SAP25: variants seen among roughly 807,000 people sequenced by gnomAD.
The protein encoded by SAP25 is Sin3A associated protein 25.
A neutral mutation model predicts 31.5 loss-of-function variants in SAP25; 24 were observed. That is an observed-to-expected ratio of 0.76 (90% confidence interval 0.55 to 1.07). SAP25 has a LOEUF of 1.07. Ranked by LOEUF, SAP25 falls within the 50% of genes least tolerant of loss-of-function variation. SAP25 has a pLI of 0.00. For missense variants in SAP25, 377 were observed against 418.8 expected (o/e 0.90, Z 0.87); for synonymous variants, 180 against 186.0 (o/e 0.97, Z 0.26).
intron 1 of SAP25, 80 bp from the exon 2 acceptor site, chr7:100,573,480 G>A: frequency 8.2e-7 from 1 of 1,218,852 alleles, no homozygotes; most frequent in Non-Finnish European, 1.0e-6. Context: ...CTGGTGCAAG[G>A]GAGACCGAGG....
chr7:100,573,265 A>G, intron 2 of SAP25, 32 bp downstream of exon 2: 1 of 1,422,666 alleles, frequency 7.0e-7, no homozygotes, highest in East Asian at 2.5e-5. Flanking sequence ...AGAGGCTCTT[A>G]GGGGTAGTAG....
intron 3 of SAP25, 44 bp from the exon 4 acceptor site, chr7:100,573,057 C>CAGCT (rs1801192662): frequency 6.6e-7 from 1 of 1,512,150 alleles, no homozygotes; most frequent in African/African-American, 1.4e-5. Flanking sequence ...GGCCACCGCA[C>CAGCT]AGCTCCCTGA....
Position 100,573,713 on chromosome 7 carries a change from G to A in SAP25, c.30C>T (p.Gly10=), listed in dbSNP as rs1451876606. 1.2e-5 allele frequency: 15 copies of A among 1,226,136 alleles called. No individual in the cohort carries two copies. In the East Asian group the frequency reaches 4.2e-4, roughly 34 times the overall value. 76.0% of individuals were successfully genotyped at this position (1,226,136 alleles called of 1,614,324 possible). A position where few individuals can be genotyped will look rare whatever the true frequency, so the allele number is the denominator to read the frequency against. Residue 10 remains glycine, a synonymous_variant, in exon 1 of 6, where the codon GGC becomes GGT. Coordinates refer to ENST00000622764, the MANE Select transcript of SAP25 (RefSeq NM_001348680.2). The part of the protein sequence containing the change: MLPWSPPRW[G]AGPEEAPEGP... ...CCTCGGGCGCCTCCTCCGGGCCCGC[G>A]CCCCACCGCGGCGGCGACCAGGGCA... is the stretch of plus-strand genomic sequence containing the variant.
chr7:100,572,775 G>T lies in SAP25; in HGVS notation c.512-24C>A. On this transcript the variant is annotated intron_variant, in intron 4 of 5. Transcript: ENST00000622764. This position sits in a 1 kb window ranked among gnomAD's most constrained non-coding sequence, Gnocchi z 4.1. ...CCCTAGGAGGAAACACCACTAGGGT[G>T]GCGGGCTGCGGGCTCCCACCCCTGG... 6.6e-7 allele frequency: 1 copy of T among 1,518,970 alleles called. No homozygotes were observed. The highest frequency in any genetic ancestry group is 8.8e-7 in the Non-Finnish European group (1 of 1,139,338). 94.1% of individuals were successfully genotyped at this position (1,518,970 alleles called of 1,614,324 possible). A position where few individuals can be genotyped will look rare whatever the true frequency, so the allele number is the denominator to read the frequency against.
Position 100,573,625 on chromosome 7 carries a change from TG to T in SAP25, c.117del (p.Arg40GlyfsTer60). On this transcript the variant is annotated frameshift_variant, in exon 1 of 6. Transcript: ENST00000622764. LOFTEE classifies it high-confidence loss of function. ...GEPWSAGADA[P>X]RELGTPPWDS... is the part of the protein sequence containing the mutation. ...TCCCATGGGGGTGTCCCCAGCTCCC[TG>T]GGGGCGTCCGCTCCGGCGCTCCAGG... The T allele has an allele frequency of 1.6e-6, 2 of 1,231,584 alleles. No homozygotes were observed. Among genetic ancestry groups the T allele is most frequent in the Non-Finnish European group, 2.0e-6 (2 of 987,842 alleles). 76.3% of individuals were successfully genotyped at this position (1,231,584 alleles called of 1,614,324 possible).
rs1053886326 is a variant in SAP25, at chr7:100,573,793, C to T, written c.-51G>A. On this transcript the variant is annotated 5_prime_UTR_variant, in exon 1 of 6. Transcript: ENST00000622764. ...ACCGCCGTGTCCCCGCCGCCCGGCC[C>T]GGCCCTCTCAGCCTCCCTCCGCGGC... is the stretch of plus-strand genomic sequence containing the variant. 6.8e-6 allele frequency: 8 copies of T among 1,173,276 alleles called. No homozygotes were observed. Among genetic ancestry groups the T allele is most frequent in the African/African-American group, 1.6e-5 (1 of 61,778 alleles). 72.7% of individuals were successfully genotyped at this position (1,173,276 alleles called of 1,614,324 possible).
At chr7:100,573,425 C>T in intron 1 of SAP25, 25 bp from the exon 2 acceptor site, 1 of 1,275,680 alleles carries the variant, frequency 7.8e-7, no homozygotes, top group Non-Finnish European at 1.0e-6. Context: ...ACTGAGGCTG[C>T]AGCCACACCG....
At position 100,572,983 on chromosome 7, in the gene SAP25, A is replaced by T; in HGVS notation, c.388T>A (p.Ser130Thr). ...GAGGGGTGACACAGCGTCCGGCCTG[A>T]GAACGAGGCTCCTGAGCTACAGTTG... The part of the protein sequence containing the change: ...GANCSSGASF[S>T]GRTLCHPSFW... The change falls in exon 4 of 6, where the codon TCA (serine) becomes ACA (threonine). Residue 130 changes from serine (S) to threonine (T), a missense_variant. Transcript: ENST00000622764. The surrounding 1 kb of genome is among the most constrained non-coding windows in gnomAD (Gnocchi z 4.1). The T allele has an allele frequency of 6.7e-7, 1 of 1,502,832 alleles. No homozygotes were observed. The highest frequency in any genetic ancestry group is 8.9e-7 in the Non-Finnish European group (1 of 1,129,070). The allele number at this position is 1,502,832 out of a possible 1,614,324, so 93.1% of individuals were successfully genotyped here.
chr7:100,573,757 C>CGCAG lies in SAP25; in HGVS notation c.-19_-16dup, dbSNP rs1432427703. 3 of 1,209,028 alleles carry CGCAG rather than the reference C, an allele frequency of 2.5e-6. No homozygotes were observed. The highest frequency in any genetic ancestry group is 6.8e-5 in the East Asian group (2 of 29,480). 74.9% of individuals were successfully genotyped at this position (1,209,028 alleles called of 1,614,324 possible). A position where few individuals can be genotyped will look rare whatever the true frequency, so the allele number is the denominator to read the frequency against. On this transcript the variant is annotated 5_prime_UTR_variant, in exon 1 of 6. Coordinates refer to ENST00000622764, the MANE Select transcript of SAP25 (RefSeq NM_001348680.2). ...CAGGGCAACATTCCGCGTTCCCGAG[C>CGCAG]GCAGGACGGTACCGCCGTGTCCCCG...
In SAP25 at chr7:100,573,195, C is replaced by G. The variant is rs1801199730; in HGVS notation, c.268G>C (p.Val90Leu). 2.0e-6 allele frequency: 3 copies of G among 1,525,108 alleles called. No homozygotes were observed. The South Asian group carries it at 3.6e-5, about 18-fold the overall frequency. 94.5% of individuals were successfully genotyped at this position (1,525,108 alleles called of 1,614,324 possible). ...PGAPDPRSPQ[V>L]AWEVAPSRMT... ...CTCGAGGGGGCCACCTCCCAGGCCA[C>G]CTGGGGGGAACGGGGATCTGGGGGG... is the stretch of plus-strand genomic sequence containing the variant. Residue 90 changes from valine (V) to leucine (L), a missense_variant, in exon 3 of 6, where the codon GTG becomes CTG. Val to Leu is a conservative substitution (Grantham distance 32). Coordinates refer to ENST00000622764, the MANE Select transcript of SAP25 (RefSeq NM_001348680.2).
At position 100,573,582 on chromosome 7, in the gene SAP25, G is replaced by A; in HGVS notation, c.146+15C>T. ...CCAGTCGCTGTCCCCCCACGGCTCC[G>A]TCCGAGCCCCTCACCTGTCCCATGG... On this transcript the variant is annotated intron_variant, in intron 1 of 5. Coordinates refer to ENST00000622764, the MANE Select transcript of SAP25 (RefSeq NM_001348680.2). 4 of 1,233,734 alleles carry A rather than the reference G, an allele frequency of 3.2e-6. No homozygotes were observed. Among genetic ancestry groups the A allele is most frequent in the Non-Finnish European group, 4.0e-6 (4 of 989,058 alleles). 76.4% of individuals were successfully genotyped at this position (1,233,734 alleles called of 1,614,324 possible).
chr7:100,572,464 C>T lies in SAP25; in HGVS notation c.717G>A (p.Pro239=), dbSNP rs1049136439. The change falls in exon 6 of 6, where the codon CCG becomes CCA. Residue 239 remains proline (P), a synonymous_variant. Coordinates refer to ENST00000622764, the MANE Select transcript of SAP25 (RefSeq NM_001348680.2). This position sits in a 1 kb window ranked among gnomAD's most constrained non-coding sequence, Gnocchi z 4.1. The part of the protein sequence containing the change: ...RGPSTAWLSG[P]ELIALTGLLQ... ...GCAGGCCAGTGAGAGCGATCAGCTC[C>T]GGCCCGCTGAGCCAGGCAGTGGAGG... The T allele has an allele frequency of 2.9e-5, 42 of 1,429,484 alleles. No individual in the cohort carries two copies. The highest frequency in any genetic ancestry group is 1.0e-4 in the East Asian group (4 of 38,924). The allele number at this position is 1,429,484 out of a possible 1,614,324, so 88.6% of individuals were successfully genotyped here.
rs538391230 is a variant in SAP25, at chr7:100,572,479, G to A, written c.702C>T (p.Ala234=). The A allele has an allele frequency of 1.7e-3, 2,393 of 1,430,770 alleles. 1 individual carries two copies. The highest frequency in any genetic ancestry group is 2.1e-3 in the Non-Finnish European group (2,253 of 1,095,374). 88.6% of individuals were successfully genotyped at this position (1,430,770 alleles called of 1,614,324 possible). A position where few individuals can be genotyped will look rare whatever the true frequency, so the allele number is the denominator to read the frequency against. ...RPSPSRGPST[A]WLSGPELIAL... ...CGATCAGCTCCGGCCCGCTGAGCCA[G>A]GCAGTGGAGGGGCCCCGGGAGGGTG... The change falls in exon 6 of 6, where the codon GCC becomes GCT. Residue 234 remains alanine, a synonymous_variant. Transcript: ENST00000622764. The surrounding 1 kb of genome is among the most constrained non-coding windows in gnomAD (Gnocchi z 4.1).
At position 100,572,731 on chromosome 7, in the gene SAP25, C is replaced by T; in HGVS notation, c.532G>A (p.Glu178Lys). ...PDAGFPVVCC[E>K]DVFLSDPLLP... ...AGAGGGTCCGAGAGGAAGACATCTT[C>T]ACAGCACACCACCGGGAACCCTAGG... The change falls in exon 5 of 6, where the codon GAA becomes AAA. Residue 178 changes from glutamate to lysine, a missense_variant. Physicochemically the swap from Glu to Lys is moderately conservative, Grantham distance 56 (BLOSUM62 1). Transcript: ENST00000622764. The surrounding 1 kb of genome is among the most constrained non-coding windows in gnomAD (Gnocchi z 4.1). The T allele has an allele frequency of 6.5e-7, 1 of 1,535,384 alleles. No homozygotes were observed. The highest frequency in any genetic ancestry group is 1.2e-5 in the South Asian group (1 of 84,026).
chr7:100,573,812 C>CCGCGG lies in SAP25; in HGVS notation c.-75_-71dup, dbSNP rs1411455819. 367 of 1,146,004 alleles carry CCGCGG rather than the reference C, an allele frequency of 3.2e-4. No homozygotes were observed. Among genetic ancestry groups the CCGCGG allele is most frequent in the Non-Finnish European group, 3.8e-4 (357 of 930,892 alleles). The allele number at this position is 1,146,004 out of a possible 1,614,324, so 71.0% of individuals were successfully genotyped here. ...CCGGCCCGGCCCTCTCAGCCTCCCT[C>CCGCGG]CGCGGCGCGGCGCGAACGTGCCCTC... is the stretch of plus-strand genomic sequence containing the variant. On this transcript the variant is annotated 5_prime_UTR_variant, in exon 1 of 6. Coordinates refer to ENST00000622764, the MANE Select transcript of SAP25 (RefSeq NM_001348680.2).
rs1801237401 is a variant in SAP25 at position 100,573,866 on chromosome 7, GC to G, written c.-125del. ...GCGAACCCACCCCAGAGGCCTCGCG[GC>G]GACGCTGGCGCCCTGTGCGTCTCCC... On this transcript the variant is annotated 5_prime_UTR_variant, in exon 1 of 6. Transcript: ENST00000622764. 2 of 804,624 alleles carry G rather than the reference GC, an allele frequency of 2.5e-6. No homozygotes were observed. The highest frequency in any genetic ancestry group is 5.2e-5 in the Admixed American group (1 of 19,052). 49.8% of individuals were successfully genotyped at this position (804,624 alleles called of 1,614,324 possible).
In SAP25 at chr7:100,572,397, C is replaced by T; in HGVS notation, c.784G>A (p.Val262Ile). 17 of 1,403,490 alleles carry T rather than the reference C, an allele frequency of 1.2e-5. No homozygotes were observed. The highest frequency in any genetic ancestry group is 1.6e-5 in the Non-Finnish European group (17 of 1,082,220). 86.9% of individuals were successfully genotyped at this position (1,403,490 alleles called of 1,614,324 possible). A position where few individuals can be genotyped will look rare whatever the true frequency, so the allele number is the denominator to read the frequency against. Residue 262 changes from valine (V) to isoleucine (I), a missense_variant, in exon 6 of 6, where the codon GTT becomes ATT. Coordinates refer to ENST00000622764, the MANE Select transcript of SAP25 (RefSeq NM_001348680.2). This position sits in a 1 kb window ranked among gnomAD's most constrained non-coding sequence, Gnocchi z 4.1. ...TCAGAGGTATGGTCTGGGGGGCCAA[C>T]CGCGGAGGAGCTGGGCCTAGGCTCC... ...QGEPRPSSSA[V>I]GPPDHTSDPP...
chr7:100,573,174 A>G lies in SAP25; in HGVS notation c.289T>C (p.Ser97Pro). 1 of 1,533,534 alleles carries G rather than the reference A, an allele frequency of 6.5e-7. No individual in the cohort carries two copies. Among genetic ancestry groups the G allele is most frequent in the Non-Finnish European group, 8.7e-7 (1 of 1,145,166 alleles). 95.0% of individuals were successfully genotyped at this position (1,533,534 alleles called of 1,614,324 possible). ...SPQVAWEVAP[S>P]RMTPLAPWDP... ...CAGGGCGCTAGTGGAGTCATCCTCG[A>G]GGGGGCCACCTCCCAGGCCACCTGG... The change falls in exon 3 of 6, where the codon TCG (serine) becomes CCG (proline). Residue 97 changes from serine to proline, a missense_variant. Physicochemically the swap from Ser to Pro is moderately conservative, Grantham distance 74. Coordinates refer to ENST00000622764, the MANE Select transcript of SAP25 (RefSeq NM_001348680.2).
In SAP25 at chr7:100,573,665, C is replaced by T. The variant is rs1274738320; in HGVS notation, c.78G>A (p.Lys26=). The stretch of plus-strand genomic sequence containing the variant: ...CGGCGCTCCAGGGCTCGCCCTGGTC[C>T]TTGCCCGCCGGAAGGCCTGGTCCCT... ...APEGPGLPAG[K]DQGEPWSAGA... Residue 26 remains lysine (K), a synonymous_variant, in exon 1 of 6, where the codon AAG becomes AAA. Coordinates refer to ENST00000622764, the MANE Select transcript of SAP25 (RefSeq NM_001348680.2). The T allele has an allele frequency of 2.4e-6, 3 of 1,230,708 alleles. No homozygotes were observed. Among genetic ancestry groups the T allele is most frequent in the East Asian group, 3.2e-5 (1 of 31,662 alleles). 76.2% of individuals were successfully genotyped at this position (1,230,708 alleles called of 1,614,324 possible).
Sources: gnomAD v4.1 joint callset for allele counts on GRCh38, gnomAD v4.1.1 for gene constraint, Gnocchi (gnomAD v3.1) non-coding constraint, MANE v1.5 for transcripts, NCBI Gene and HGNC (gene_info 2026-07-23, HGNC 2026-07-21) for gene names.